UPK1A: variants seen among roughly 807,000 people sequenced by gnomAD.
UPK1A encodes the protein uroplakin 1A.
Under a neutral mutation model 32.3 loss-of-function variants are expected in UPK1A, and 31 were observed. The observed-to-expected ratio is 0.96, with a 90% CI of 0.72 to 1.30. UPK1A has a LOEUF of 1.30. UPK1A is among the 50% of genes most tolerant of loss of function. The probability of loss-of-function intolerance (pLI) is 0.00; values close to 1 mark genes in which losing one functional copy is unlikely to be tolerated. For synonymous variants in UPK1A, 135 were observed against 137.1 expected (o/e 0.98, Z 0.11); for missense variants, 340 against 357.4 (o/e 0.95, Z 0.39).
intron 5 of UPK1A, among the ~76,000 whole-genome samples, chr19:35,675,440 C>T (rs1396002432): frequency 1.3e-5 from 2 of 152,100 alleles, no homozygotes; most frequent in East Asian, 3.9e-4. Flanking sequence ...CACCACCACA[C>T]CCGGCAAATT....
At chr19:35,668,847 T>TC (rs1342890451) in intron 3 of UPK1A, among the ~76,000 whole-genome samples, 193 bp downstream of exon 3, 1 of 137,638 alleles carries the variant, frequency 7.3e-6, no homozygotes, top group Non-Finnish European at 1.6e-5. Flanking sequence ...TGGGATTTTT[T>TC]CTTTTTTTTT....
chr19:35,674,241 CTTTTTTTTTT>C (rs35857173), intron 5 of UPK1A, among the ~76,000 whole-genome samples: 2 of 98,982 alleles, frequency 2.0e-5, no homozygotes, highest in African/African-American at 7.9e-5. Flanking sequence ...TTCTTTTTAT[CTTTTTTTTTT>C]TTTTTTTTTT....
rs142196497 is a variant in UPK1A, at chr19:35,674,179, G to A, written c.468+634G>A. On this transcript the variant is annotated intron_variant, in intron 5 of 7. Coordinates refer to ENST00000617999, the Ensembl canonical transcript of UPK1A. ...TCCCACCTCCGCCTCTCAAAGTGCC[G>A]AGATCACAGGCATGAGCCACGAGTG... Among the ~76,000 whole-genome samples, 90 of 150,400 alleles carry A rather than the reference G, an allele frequency of 6.0e-4. 1 individual carries two copies. The East Asian group carries it at 0.017, about 28-fold the overall frequency.
chr19:35,675,897 C>T lies in UPK1A; in HGVS notation c.526C>T (p.Arg176Trp), dbSNP rs775581454. 2.5e-5 allele frequency: 40 copies of T among 1,613,864 alleles called. No individual in the cohort carries two copies. Among genetic ancestry groups the T allele is most frequent in the Admixed American group, 8.3e-5 (5 of 59,988 alleles). ...CTGGGTGAACTTCACGTCAGCCTTC[C>T]GGGCGGCCACTCCGGAGGTGGTGTT... is the stretch of plus-strand genomic sequence containing the variant. Residue 176 changes from arginine to tryptophan, a missense_variant, in exon 6 of 8, where the codon CGG becomes TGG. Physicochemically the swap from Arg to Trp is moderately radical, Grantham distance 101. Coordinates refer to ENST00000617999, the Ensembl canonical transcript of UPK1A.
intron 2 of UPK1A, among the ~76,000 whole-genome samples, chr19:35,667,683 G>C (rs926299565): frequency 6.6e-6 from 1 of 151,932 alleles, no homozygotes. Context: ...TAGAAGAGAT[G>C]GGGTTTCACC....
intron 5 of UPK1A, among the ~76,000 whole-genome samples, chr19:35,675,040 TCA>T (rs1968160301): frequency 8.8e-6 from 1 of 113,230 alleles, no homozygotes. Context: ...AGACTCCGTC[TCA>T]AAAAAAAAAA....
At chr19:35,668,848 CTTTTTT>C (rs147337402) in intron 3 of UPK1A, among the ~76,000 whole-genome samples, 194 bp downstream of exon 3, 1 of 140,742 alleles carries the variant, frequency 7.1e-6, no homozygotes, top group South Asian at 2.3e-4. Flanking sequence ...GGGATTTTTT[CTTTTTT>C]TTTTTTTTGG....
chr19:35,670,824 C>T (rs763514141), intron 3 of UPK1A, among the ~76,000 whole-genome samples: 5 of 151,086 alleles, frequency 3.3e-5, no homozygotes, highest in Non-Finnish European at 7.4e-5. Context: ...AAATGATCCT[C>T]CCACCTCAGC....
intron 5 of UPK1A, among the ~76,000 whole-genome samples, chr19:35,675,442 C>T (rs1968166241): frequency 6.6e-6 from 1 of 151,918 alleles, no homozygotes; most frequent in Admixed American, 6.6e-5. Context: ...CCACCACACC[C>T]GGCAAATTTT....
chr19:35,669,009 C>T (rs1968045853), intron 3 of UPK1A, among the ~76,000 whole-genome samples: 1 of 152,022 alleles, frequency 6.6e-6, no homozygotes, highest in African/African-American at 2.4e-5. Context: ...ATTTGAACCC[C>T]TGCTAGCTGC....
intron 3 of UPK1A, among the ~76,000 whole-genome samples, chr19:35,670,384 C>T (rs1157392784): frequency 2.2e-5 from 3 of 138,410 alleles, no homozygotes; most frequent in Non-Finnish European, 3.2e-5. Context: ...CTCCCTTCCC[C>T]TCCCCTTCCC....
chr19:35,676,187 CTTTCTT>C, intron 6 of UPK1A, 168 bp downstream of exon 6: 3 of 849,582 alleles, frequency 3.5e-6, no homozygotes, highest in Non-Finnish European at 3.6e-6. Flanking sequence ...TTCTTTCTTT[CTTTCTT>C]TCTTTTTTTT....
At chr19:35,666,880 G>C (rs1414006851) in exon 2 of UPK1A, 1 of 1,613,952 alleles carries the variant, frequency 6.2e-7, no homozygotes, top group Non-Finnish European at 8.5e-7. Context: ...CTAGTTGTGG[G>C]CAATATCATT....
At chr19:35,676,574 C>T (rs1018054856) in intron 6 of UPK1A, among the ~76,000 whole-genome samples, 4 of 151,948 alleles carry the variant, frequency 2.6e-5, no homozygotes, top group Non-Finnish European at 5.9e-5. Context: ...GACCTGGCAC[C>T]TACAACTTTA....
At chr19:35,670,499 C>G (rs1173504311) in intron 3 of UPK1A, among the ~76,000 whole-genome samples, 2 of 61,112 alleles carry the variant, frequency 3.3e-5, no homozygotes, top group Non-Finnish European at 6.4e-5. Context: ...TCCTCCCCTC[C>G]CCTCCCCTCC....
chr19:35,667,836 C>CTGCAG (rs1968022147), intron 2 of UPK1A: 1 of 161,724 alleles, frequency 6.2e-6, no homozygotes, highest in Non-Finnish European at 1.3e-5. Flanking sequence ...GTTGACCAGG[C>CTGCAG]TGCAGTGCAG....
chr19:35,668,524 T>C (rs1391185978), exon 3 of UPK1A: 4 of 1,614,094 alleles, frequency 2.5e-6, no homozygotes, highest in Non-Finnish European at 3.4e-6. Flanking sequence ...TACCCACTGA[T>C]GGGAGTCTCA....
intron 6 of UPK1A, 190 bp downstream of exon 6, chr19:35,676,209 A>G: frequency 3.1e-6 from 2 of 637,756 alleles, no homozygotes; most frequent in East Asian, 6.7e-5. Context: ...TTTTTTTTTC[A>G]AGACCGAGTC....
intron 6 of UPK1A, among the ~76,000 whole-genome samples, chr19:35,677,231 A>T (rs902925431): frequency 5.7e-5 from 7 of 121,964 alleles, no homozygotes; most frequent in African/African-American, 2.2e-4. Flanking sequence ...AAGAGACTTT[A>T]AAAAAAAAAA....
Sources: gnomAD v4.1 joint callset for allele counts (sites outside exome capture counted in the v4.1 genomes callset) on GRCh38, gnomAD v4.1.1 for gene constraint, MANE v1.5 for transcripts, NCBI Gene and HGNC (gene_info 2026-07-23, HGNC 2026-07-21) for gene names.